ATF3: variants seen among roughly 807,000 people sequenced by gnomAD.
ATF3 encodes the protein activating transcription factor 3, also known as cyclic AMP-dependent transcription factor ATF-3.
In ATF3, 10 loss-of-function variants were observed where a neutral mutation model predicts 18.4. The observed-to-expected ratio is 0.54, with a 90% confidence interval of 0.34 to 0.92. The LOEUF is 0.92. Among genes scored for constraint, ATF3 ranks in the 40% least tolerant of loss-of-function variants. The pLI is 0.02. For missense variants in ATF3, 183 were observed against 222.3 expected, an observed-to-expected ratio of 0.82 and a Z score of 1.12; for synonymous variants, 78 against 87.9, an observed-to-expected ratio of 0.89 and a Z score of 0.63.
intron 1 of ATF3, 146 bp from the exon 2 acceptor site, chr1:212,614,872 G>A: frequency 6.9e-7 from 1 of 1,442,772 alleles, no homozygotes. Flanking sequence ...AGGATGGCAT[G>A]AAATGAAAAC....
chr1:212,566,827 G>A (rs1312930926), intron 1 of ATF3, among the ~76,000 whole-genome samples: 1 of 152,168 alleles, frequency 6.6e-6, no homozygotes, highest in East Asian at 1.9e-4. Context: ...TGGTGCCCAA[G>A]AGGATGCACC....
At chr1:212,610,820 G>A (rs1001578407) in intron 1 of ATF3, among the ~76,000 whole-genome samples, 1 of 152,128 alleles carries the variant, frequency 6.6e-6, no homozygotes, top group African/African-American at 2.4e-5. Context: ...TGAGGCGGTC[G>A]ATACCTATTG....
Position 212,618,543 on chromosome 1 carries a change from G to A in ATF3, c.348+309G>A, listed in dbSNP as rs1655233830. 2.3e-6 allele frequency: 1 copy of A among 438,214 alleles called. No individual in the cohort carries two copies. Among genetic ancestry groups the A allele is most frequent in the Non-Finnish European group, 4.2e-6 (1 of 239,286 alleles). 27.1% of individuals were successfully genotyped at this position (438,214 alleles called of 1,614,324 possible). A position where few individuals can be genotyped will look rare whatever the true frequency, so the allele number is the denominator to read the frequency against. ...CAGGACATGCCAGCCCAGTTAAAGA[G>A]GCTTCACTTGACTGTTTTCCTGAGA... On this transcript the variant is annotated intron_variant, in intron 3 of 3. Transcript: ENST00000341491. This position sits in a 1 kb window ranked among gnomAD's most constrained non-coding sequence, Gnocchi z 4.4.
chr1:212,620,004 A>G lies in ATF3; in HGVS notation c.*449A>G, dbSNP rs980632765. The G allele has an allele frequency of 4.0e-5, 9 of 226,682 alleles. No homozygotes were observed. Among genetic ancestry groups the G allele is most frequent in the Non-Finnish European group, 8.0e-5 (9 of 112,004 alleles). The allele number at this position is 226,682 out of a possible 1,614,324, so 14.0% of individuals were successfully genotyped here. ...GAACAGCATTTAGTGAAGTTGTGCA[A>G]CGGCCAGGGTTGTGCTTTCTAGCAA... On this transcript the variant is annotated 3_prime_UTR_variant, in exon 4 of 4. Transcript: ENST00000341491.
intron 1 of ATF3, among the ~76,000 whole-genome samples, chr1:212,599,183 C>T (rs1654407643): frequency 6.6e-6 from 1 of 152,188 alleles, no homozygotes. Flanking sequence ...ATGTATCTTG[C>T]ATTTAAAACC....
intron 1 of ATF3, among the ~76,000 whole-genome samples, chr1:212,580,005 G>T (rs1242361826): frequency 6.6e-6 from 1 of 151,794 alleles, no homozygotes; most frequent in African/African-American, 2.4e-5. Context: ...AACTTAGCTG[G>T]GCCTGGTGCT....
At chr1:212,606,219 G>A (rs558814412), upstream of ATF3, among the ~76,000 whole-genome samples, 22 of 152,332 alleles carry the variant, frequency 1.4e-4, no homozygotes, top group African/African-American at 5.3e-4. Context: ...GGGGAGGGAG[G>A]CAGGCAGGAG....
At chr1:212,603,236 G>GA (rs1330777973) in intron 1 of ATF3, among the ~76,000 whole-genome samples, 1 of 152,250 alleles carries the variant, frequency 6.6e-6, no homozygotes, top group African/African-American at 2.4e-5. Context: ...GGCACAGGGA[G>GA]AAGCACAGCC....
intron 1 of ATF3, among the ~76,000 whole-genome samples, chr1:212,566,617 A>G (rs1229319995): frequency 6.6e-6 from 1 of 152,002 alleles, no homozygotes; most frequent in African/African-American, 2.4e-5. Flanking sequence ...GTGCCATAGA[A>G]ACCTCCTGCC....
At chr1:212,592,824 C>T (rs1193582623) in intron 1 of ATF3, among the ~76,000 whole-genome samples, 2 of 151,992 alleles carry the variant, frequency 1.3e-5, no homozygotes, top group Non-Finnish European at 2.9e-5. Flanking sequence ...GTGCTGCCAG[C>T]CCGATACATC....
At chr1:212,590,096 A>G (rs1664853749) in intron 1 of ATF3, among the ~76,000 whole-genome samples, 2 of 152,194 alleles carry the variant, frequency 1.3e-5, no homozygotes, top group Non-Finnish European at 2.9e-5. Flanking sequence ...GCCATGTTAC[A>G]TTGAACACTG....
upstream of ATF3, among the ~76,000 whole-genome samples, chr1:212,606,598 G>A (rs1333400869): frequency 6.6e-6 from 1 of 152,192 alleles, no homozygotes; most frequent in East Asian, 1.9e-4. Context: ...TCTGGCTTGG[G>A]TGTTTTAATG....
upstream of ATF3, among the ~76,000 whole-genome samples, chr1:212,606,137 G>T (rs1242802192): frequency 6.6e-6 from 1 of 152,212 alleles, no homozygotes; most frequent in Non-Finnish European, 1.5e-5. Flanking sequence ...AAGACCTCAG[G>T]GGCTCTGCCT....
chr1:212,607,519 C>T (rs11571515), upstream of ATF3, among the ~76,000 whole-genome samples: 9,796 of 152,338 alleles, frequency 0.064, 602 homozygotes, highest in African/African-American at 0.16. Flanking sequence ...GCTGAGGTCT[C>T]AGCTCGAATC....
chr1:212,617,014 T>G (rs1334629422), intron 2 of ATF3, among the ~76,000 whole-genome samples: 1 of 152,012 alleles, frequency 6.6e-6, no homozygotes, highest in Non-Finnish European at 1.5e-5. Flanking sequence ...CAGAGGACAG[T>G]CTGGGCTAGA....
At chr1:212,596,096 A>G (rs992821760) in intron 1 of ATF3, among the ~76,000 whole-genome samples, 4 of 152,252 alleles carry the variant, frequency 2.6e-5, no homozygotes, top group Non-Finnish European at 4.4e-5. Context: ...TATTCCTTCG[A>G]TGAATTAATA....
Position 212,619,718 on chromosome 1 carries a change from C to A in ATF3, c.*163C>A. On this transcript the variant is annotated 3_prime_UTR_variant, in exon 4 of 4. Coordinates refer to ENST00000341491, the MANE Select transcript of ATF3 (RefSeq NM_001674.4). The surrounding 1 kb of genome is among the most constrained non-coding windows in gnomAD (Gnocchi z 4.4). ...CTGCAGTGATTCAGCAGGCCCTTCCCATTCTGCCCCAGAGTGGGTCTTGGA... is the reference window on the plus strand; with the variant it reads ...CTGCAGTGATTCAGCAGGCCCTTCCAATTCTGCCCCAGAGTGGGTCTTGGA... 1 of 930,628 alleles carries A rather than the reference C, an allele frequency of 1.1e-6. No individual in the cohort carries two copies. The highest frequency in any genetic ancestry group is 1.6e-6 in the Non-Finnish European group (1 of 630,138). 57.6% of individuals were successfully genotyped at this position (930,628 alleles called of 1,614,324 possible).
At chr1:212,576,703 A>ATTCTT (rs1204199110) in intron 1 of ATF3, among the ~76,000 whole-genome samples, 18 of 108,298 alleles carry the variant, frequency 1.7e-4, no homozygotes, top group South Asian at 1.5e-3. Flanking sequence ...ATTAAAAAAT[A>ATTCTT]TTCTTTTCTT....
In ATF3 at chr1:212,618,757, G is replaced by C; in HGVS notation, c.348+523G>C. 1.9e-6 allele frequency: 1 copy of C among 515,586 alleles called. No homozygotes were observed. Among genetic ancestry groups the C allele is most frequent in the Non-Finnish European group, 3.5e-6 (1 of 285,260 alleles). 31.9% of individuals were successfully genotyped at this position (515,586 alleles called of 1,614,324 possible). On this transcript the variant is annotated intron_variant, in intron 3 of 3. Transcript: ENST00000341491. The surrounding 1 kb of genome is among the most constrained non-coding windows in gnomAD (Gnocchi z 4.4). Reference sequence around the variant, plus strand: ...GCCCCTGGCTGCGTTCAGCCGGCCCGCCTGAGAGACACTAGGGGAAATAGC... The same window carrying C: ...GCCCCTGGCTGCGTTCAGCCGGCCCCCCTGAGAGACACTAGGGGAAATAGC...
Sources: gnomAD v4.1 joint callset for allele counts (sites outside exome capture counted in the v4.1 genomes callset) on GRCh38, gnomAD v4.1.1 for gene constraint, Gnocchi (gnomAD v3.1) non-coding constraint, MANE v1.5 for transcripts, NCBI Gene and HGNC (gene_info 2026-07-23, HGNC 2026-07-21) for gene names.